Variants in EPHA6 observed in about 807,000 individuals in gnomAD.
The protein encoded by EPHA6 is ephrin type-A receptor 6.
EPHA6 carries 50 observed loss-of-function variants against 112.0 expected under a neutral mutation model. The ratio of observed to expected loss-of-function variants is 0.45; its 90% confidence interval spans 0.36 to 0.56. The LOEUF (loss-of-function observed/expected upper bound fraction) is 0.56, where lower values mean the gene tolerates loss of function less well. Among genes scored for constraint, EPHA6 ranks in the 20% least tolerant of loss-of-function variants. The pLI is 0.00. For synonymous variants in EPHA6, 529 were observed against 490.7 expected, an observed-to-expected ratio of 1.08 and a Z score of -1.03; for missense variants, 1,280 against 1,417.4, an observed-to-expected ratio of 0.90 and a Z score of 1.56.
chr3:97,126,045 A>G (rs2048174252), intron 3 of EPHA6, among the ~76,000 whole-genome samples: 1 of 152,222 alleles, frequency 6.6e-6, no homozygotes, highest in South Asian at 2.1e-4. Context: ...CGAGTATTCA[A>G]GTCTGTGATT....
intron 3 of EPHA6, among the ~76,000 whole-genome samples, chr3:97,179,356 A>G (rs2076921502): frequency 6.6e-6 from 1 of 151,734 alleles, no homozygotes; most frequent in Non-Finnish European, 1.5e-5. Context: ...ATATATCTCT[A>G]TTTCTCTCAG....
chr3:97,146,557 T>A lies in EPHA6; in HGVS notation c.1115-79707T>A, dbSNP rs575771072. Among the ~76,000 whole-genome samples the A allele has an allele frequency of 2.0e-5, 3 of 152,036 alleles. No homozygotes were observed. In the East Asian group the frequency reaches 5.8e-4, roughly 29 times the overall value. On this transcript the variant is annotated intron_variant, in intron 3 of 17. Coordinates refer to ENST00000389672, the MANE Select transcript of EPHA6 (RefSeq NM_001080448.3). ...TGAAAGATTTTCACAGCTTCCAACC[T>A]TCTTAATCCATGACTCTTGTACTCT...
intron 14 of EPHA6, among the ~76,000 whole-genome samples, chr3:97,679,304 G>A (rs2031665264): frequency 1.3e-5 from 2 of 152,048 alleles, no homozygotes; most frequent in Non-Finnish European, 2.9e-5. Context: ...GGAACCCAGA[G>A]GGCGTCCCCA....
intron 3 of EPHA6, among the ~76,000 whole-genome samples, chr3:97,035,577 A>G (rs762340733): frequency 8.6e-5 from 13 of 151,776 alleles, no homozygotes; most frequent in Non-Finnish European, 1.2e-4. Flanking sequence ...TTACAGTTCT[A>G]TTTTTGAGAT....
intron 2 of EPHA6, among the ~76,000 whole-genome samples, chr3:96,889,096 A>G (rs1053978873): frequency 6.6e-6 from 1 of 152,120 alleles, no homozygotes; most frequent in African/African-American, 2.4e-5. Flanking sequence ...TCTAGTTCCC[A>G]ACAAGTTCCT....
chr3:97,485,219 T>C (rs1272870029), intron 10 of EPHA6, among the ~76,000 whole-genome samples: 1 of 152,190 alleles, frequency 6.6e-6, no homozygotes, highest in Non-Finnish European at 1.5e-5. Flanking sequence ...GATCCTCTGT[T>C]TCTTTCAAAG....
chr3:97,604,772 C>A (rs2093668384), intron 12 of EPHA6, among the ~76,000 whole-genome samples: 1 of 151,570 alleles, frequency 6.6e-6, no homozygotes, highest in South Asian at 2.1e-4. Flanking sequence ...ATTTTTCTGT[C>A]TTCAAAACAA....
rs533481119 is a variant in EPHA6 at position 97,122,846 on chromosome 3, A to G, written c.1115-103418A>G. The stretch of plus-strand genomic sequence containing the variant: ...TGTATGTGTATAAAATATATGTATG[A>G]TATGTTGATAAGGCAAATCCTGCTG... On this transcript the variant is annotated intron_variant, in intron 3 of 17. Coordinates refer to ENST00000389672, the MANE Select transcript of EPHA6 (RefSeq NM_001080448.3). Among the ~76,000 whole-genome samples the G allele has an allele frequency of 2.0e-5, 3 of 152,154 alleles. No individual in the cohort carries two copies. The South Asian group carries it at 6.2e-4, about 32-fold the overall frequency.
chr3:97,745,277 A>G, intron 16 of EPHA6: 1 of 380,726 alleles, frequency 2.6e-6, no homozygotes, highest in Non-Finnish European at 5.1e-6. Context: ...AACTTTGAAT[A>G]AATACAGCAA....
intron 14 of EPHA6, among the ~76,000 whole-genome samples, chr3:97,652,585 G>C (rs2094114549): frequency 6.6e-6 from 1 of 152,044 alleles, no homozygotes; most frequent in African/African-American, 2.4e-5. Context: ...AAATAGGTTT[G>C]AGTGGGGAGC....
At chr3:96,918,318 T>C (rs1359066486) in intron 2 of EPHA6, among the ~76,000 whole-genome samples, 1 of 152,194 alleles carries the variant, frequency 6.6e-6, no homozygotes, top group Non-Finnish European at 1.5e-5. Context: ...GTTAAACTTT[T>C]ATAGTCTAAT....
At chr3:97,046,721 C>A (rs1410184427) in intron 3 of EPHA6, among the ~76,000 whole-genome samples, 3 of 151,846 alleles carry the variant, frequency 2.0e-5, no homozygotes, top group African/African-American at 7.3e-5. Context: ...CAACAAGAAA[C>A]AATTGAAAAT....
chr3:97,267,812 C>T (rs1199647555), intron 5 of EPHA6, among the ~76,000 whole-genome samples: 1 of 151,990 alleles, frequency 6.6e-6, no homozygotes, highest in East Asian at 1.9e-4. Context: ...ATATCCTATC[C>T]TTATCTTTGT....
At chr3:97,712,832 C>T (rs369898543) in intron 14 of EPHA6, among the ~76,000 whole-genome samples, 2 of 152,244 alleles carry the variant, frequency 1.3e-5, no homozygotes. Context: ...GCTGCTTATA[C>T]ATTTAAACAA....
intron 14 of EPHA6, among the ~76,000 whole-genome samples, chr3:97,706,430 G>A (rs939138943): frequency 2.6e-5 from 4 of 152,166 alleles, no homozygotes; most frequent in South Asian, 4.1e-4. Context: ...GTAGGAATGC[G>A]TTTCTAGTGA....
At chr3:97,350,968 C>G (rs553507572) in intron 5 of EPHA6, among the ~76,000 whole-genome samples, 32 of 152,250 alleles carry the variant, frequency 2.1e-4, no homozygotes, top group African/African-American at 7.5e-4. Context: ...ATAGTTCTTG[C>G]TAAATGACCT....
At chr3:97,028,942 TTTTC>T (rs2044731649) in intron 3 of EPHA6, among the ~76,000 whole-genome samples, 1 of 151,720 alleles carries the variant, frequency 6.6e-6, no homozygotes, top group Admixed American at 6.6e-5. Context: ...ATGTCTTCCT[TTTTC>T]TTTTAATCAT....
intron 6 of EPHA6, among the ~76,000 whole-genome samples, chr3:97,409,709 A>G (rs899405671): frequency 6.6e-6 from 1 of 152,080 alleles, no homozygotes. Context: ...TTTTGCAAAC[A>G]TGAATCCCCT....
chr3:96,981,036 C>G (rs2042749165), intron 2 of EPHA6, among the ~76,000 whole-genome samples: 1 of 152,110 alleles, frequency 6.6e-6, no homozygotes, highest in Non-Finnish European at 1.5e-5. Context: ...ATTGAATACC[C>G]TTTATTTCTT....
Sources: allele counts gnomAD v4.1 joint callset (sites outside exome capture counted in the v4.1 genomes callset), GRCh38; gene constraint gnomAD v4.1.1; transcripts MANE v1.5; gene names NCBI Gene and HGNC (gene_info 2026-07-23, HGNC 2026-07-21).